WNT5A: variants seen among roughly 807,000 people sequenced by gnomAD.
The protein encoded by WNT5A is Wnt family member 5A.
In WNT5A, 9 loss-of-function variants were observed where a neutral mutation model predicts 42.1. That is an observed-to-expected ratio of 0.21 (90% CI 0.13 to 0.37). The LOEUF is 0.37. WNT5A is among the 10% of genes least tolerant of loss of function. WNT5A has a pLI of 1.00. For missense variants in WNT5A, 426 were observed against 534.0 expected, an observed-to-expected ratio of 0.80 and a Z score of 1.99; for synonymous variants, 210 against 210.0, an observed-to-expected ratio of 1.00 and a Z score of 0.00.
At chr3:55,481,451 A>C in intron 1 of WNT5A, 1 of 369,778 alleles carries the variant, frequency 2.7e-6, no homozygotes, top group Non-Finnish European at 3.6e-6. Flanking sequence ...CGGGGGGTGG[A>C]GGATGGGGGC....
At chr3:55,474,715 G>C (rs2051321131) in intron 3 of WNT5A, 86 bp from the exon 4 acceptor site, 1 of 1,096,306 alleles carries the variant, frequency 9.1e-7, no homozygotes, top group South Asian at 2.6e-5. Context: ...GGGCAAGGTA[G>C]GGAATGGTGG....
Position 55,470,018 on chromosome 3 carries a change from CA to C in WNT5A, c.*73del. 1.3e-6 allele frequency: 2 copies of C among 1,586,346 alleles called. No homozygotes were observed. The highest frequency in any genetic ancestry group is 1.7e-6 in the Non-Finnish European group (2 of 1,162,926). ...AAAAATAAAAAATATTTCTAAAAAC[CA>C]AAAACCAGAATCACTGTACTTTCTA... On this transcript the variant is annotated 3_prime_UTR_variant, in exon 5 of 5. Coordinates refer to ENST00000264634, the MANE Select transcript of WNT5A (RefSeq NM_003392.7).
chr3:55,485,236 G>C (rs937620052), intron 1 of WNT5A, among the ~76,000 whole-genome samples: 2 of 139,346 alleles, frequency 1.4e-5, no homozygotes, highest in Non-Finnish European at 3.1e-5. Flanking sequence ...ACCGAGGCTC[G>C]CAGGAGTCCT....
At position 55,483,289 on chromosome 3, in the gene WNT5A, A is replaced by G. The variant is rs1023286461; in HGVS notation, c.7-2371T>C. 2.6e-5 allele frequency among the ~76,000 whole-genome samples: 4 copies of G among 152,266 alleles called. No homozygotes were observed. The highest frequency in any genetic ancestry group is 9.6e-5 in the African/African-American group (4 of 41,564). ...CGGAAAGGAGAGCCTCACGAGTCGC[A>G]TCTCCACTTAACCCCGCCGCTTGCC... On this transcript the variant is annotated intron_variant, in intron 1 of 4. Transcript: ENST00000264634. The surrounding 1 kb of genome is among the most constrained non-coding windows in gnomAD (Gnocchi z 4.2).
the WNT5A span, among the ~76,000 whole-genome samples, chr3:55,495,726 A>T: frequency 6.6e-6 from 1 of 152,192 alleles, no homozygotes; most frequent in South Asian, 2.1e-4. Flanking sequence ...GAATTACTGG[A>T]TCATACGGTA....
At chr3:55,471,394 C>G (rs1296232270) in intron 4 of WNT5A, among the ~76,000 whole-genome samples, 1 of 152,182 alleles carries the variant, frequency 6.6e-6, no homozygotes, top group Admixed American at 6.5e-5. Context: ...TGGAGCCAAG[C>G]AACATAGATT....
rs2051133313 is a variant in WNT5A at position 55,465,809 on chromosome 3, C to G, written c.*4283G>C. 1.3e-5 allele frequency: 2 copies of G among 152,164 alleles called. No homozygotes were observed. Among genetic ancestry groups the G allele is most frequent in the South Asian group, 4.2e-4 (2 of 4,814 alleles). 9.4% of individuals were successfully genotyped at this position (152,164 alleles called of 1,614,324 possible). On this transcript the variant is annotated 3_prime_UTR_variant, in exon 5 of 5. Coordinates refer to ENST00000264634, the MANE Select transcript of WNT5A (RefSeq NM_003392.7). ...TTCTAGCCCAGCAAATTGTACACTG[C>G]ATATAAAAATGGTCTAAGATGCAAT...
chr3:55,497,519 T>C, the WNT5A span: 54 of 152,236 alleles, frequency 3.5e-4, no homozygotes, highest in African/African-American at 1.3e-3. Flanking sequence ...CACAGTCTCT[T>C]GTTTACAATC....
chr3:55,476,310 G>C (rs2051356226), intron 3 of WNT5A, among the ~76,000 whole-genome samples: 1 of 152,208 alleles, frequency 6.6e-6, no homozygotes, highest in African/African-American at 2.4e-5. Context: ...TTGAAGGTGT[G>C]TGCTGGTGGT....
In WNT5A at chr3:55,487,083, A is replaced by G; in HGVS notation, c.-98T>C. On this transcript the variant is annotated 5_prime_UTR_variant, in exon 1 of 5. Transcript: ENST00000264634. ...CCGGGTTAAGCCTGGGGGGACGGTCAGGAGCAGGGCTGCGGAGTCCTCCGG... is the reference window on the plus strand; with the variant it reads ...CCGGGTTAAGCCTGGGGGGACGGTCGGGAGCAGGGCTGCGGAGTCCTCCGG... 9.1e-7 allele frequency: 1 copy of G among 1,097,488 alleles called. No homozygotes were observed. The highest frequency in any genetic ancestry group is 1.3e-6 in the Non-Finnish European group (1 of 743,522). 68.0% of individuals were successfully genotyped at this position (1,097,488 alleles called of 1,614,324 possible). A position where few individuals can be genotyped will look rare whatever the true frequency, so the allele number is the denominator to read the frequency against.
At chr3:55,499,641 G>A in the WNT5A span, among the ~76,000 whole-genome samples, 6 of 152,122 alleles carry the variant, frequency 3.9e-5, no homozygotes, top group African/African-American at 1.4e-4. Context: ...ATTTTCACAG[G>A]GGAGAAGAAA....
At chr3:55,481,592 G>A (rs945313652) in intron 1 of WNT5A, among the ~76,000 whole-genome samples, 1 of 152,180 alleles carries the variant, frequency 6.6e-6, no homozygotes, top group Non-Finnish European at 1.5e-5. Context: ...GCCGATGTGG[G>A]GAAAGCCACT....
intron 3 of WNT5A, among the ~76,000 whole-genome samples, chr3:55,475,875 G>C (rs540081692): frequency 1.3e-5 from 2 of 152,114 alleles, no homozygotes; most frequent in South Asian, 2.1e-4. Context: ...GTTAATAAAA[G>C]TACTGTAATC....
chr3:55,475,846 C>T (rs1376917657), intron 3 of WNT5A, among the ~76,000 whole-genome samples: 2 of 152,082 alleles, frequency 1.3e-5, no homozygotes, highest in Non-Finnish European at 2.9e-5. Context: ...GGAGACATTT[C>T]TGCATGTAAC....
At chr3:55,498,186 T>C in the WNT5A span, among the ~76,000 whole-genome samples, 1 of 152,216 alleles carries the variant, frequency 6.6e-6, no homozygotes, top group East Asian at 1.9e-4. Flanking sequence ...CAGCCGTCAC[T>C]GTTCATCATG....
intron 4 of WNT5A, among the ~76,000 whole-genome samples, chr3:55,470,964 A>T (rs2051239950): frequency 6.6e-6 from 1 of 152,132 alleles, no homozygotes; most frequent in Non-Finnish European, 1.5e-5. Flanking sequence ...GGAAAGTGAG[A>T]CCCAGAGAGA....
intron 3 of WNT5A, 22 bp from the exon 4 acceptor site, chr3:55,474,651 C>A: frequency 7.3e-7 from 1 of 1,371,128 alleles, no homozygotes; most frequent in Non-Finnish European, 9.4e-7. Context: ...GACAAGGGAT[C>A]ACTGGCCGCC....
At chr3:55,486,938 G>T in intron 1 of WNT5A, 42 bp downstream of exon 1, 1 of 1,533,646 alleles carries the variant, frequency 6.5e-7, no homozygotes, top group Non-Finnish European at 9.0e-7. Context: ...CAGGGGGTGG[G>T]GGGAAGTAAA....
Position 55,469,831 on chromosome 3 carries a change from C to T in WNT5A, c.*261G>A. The T allele has an allele frequency of 2.5e-6, 1 of 406,260 alleles. No individual in the cohort carries two copies. 25.2% of individuals were successfully genotyped at this position (406,260 alleles called of 1,614,324 possible). A position where few individuals can be genotyped will look rare whatever the true frequency, so the allele number is the denominator to read the frequency against. On this transcript the variant is annotated 3_prime_UTR_variant, in exon 5 of 5. Transcript: ENST00000264634. ...TTATTTCCCCTTCATTCTATACTAT[C>T]AAAAGAAGTCTTGTATTACCTTTTC...
Sources: gnomAD v4.1 joint callset for allele counts (sites outside exome capture counted in the v4.1 genomes callset) on GRCh38, gnomAD v4.1.1 for gene constraint, Gnocchi (gnomAD v3.1) non-coding constraint, MANE v1.5 for transcripts, NCBI Gene and HGNC (gene_info 2026-07-23, HGNC 2026-07-21) for gene names.